The following DYNC1LI2 variants were observed in gnomAD, a reference collection of about 807,000 sequenced individuals.
DYNC1LI2 encodes cytoplasmic dynein 1 light intermediate chain 2.
A neutral mutation model predicts 57.8 loss-of-function variants in DYNC1LI2; 19 were observed. That is an observed-to-expected ratio of 0.33 (90% CI 0.23 to 0.48). The LOEUF (loss-of-function observed/expected upper bound fraction) is 0.48. DYNC1LI2 is among the 20% of genes least tolerant of loss of function. The pLI is 0.99. For synonymous variants in DYNC1LI2, 256 were observed against 233.4 expected, an observed-to-expected ratio of 1.10 and a Z score of -0.88; for missense variants, 470 against 604.2, an observed-to-expected ratio of 0.78 and a Z score of 2.33.
chr16:66,744,879 A>G lies in DYNC1LI2; in HGVS notation c.299-2211T>C, dbSNP rs182091298. Reference sequence around the variant, plus strand: ...CCGGCCAAATTTATAATGTATTTTTAGAAATTTTCAGTTATCTTTTGAGAA... The same window carrying G: ...CCGGCCAAATTTATAATGTATTTTTGGAAATTTTCAGTTATCTTTTGAGAA... On this transcript the variant is annotated intron_variant, in intron 3 of 12. Transcript: ENST00000258198. Among the ~76,000 whole-genome samples the G allele has an allele frequency of 4.0e-5, 6 of 151,788 alleles. No individual in the cohort carries two copies. The East Asian group carries it at 9.7e-4, about 25-fold the overall frequency.
intron 9 of DYNC1LI2, among the ~76,000 whole-genome samples, chr16:66,728,636 G>A (rs2017578529): frequency 6.6e-6 from 1 of 152,132 alleles, no homozygotes; most frequent in Non-Finnish European, 1.5e-5. Context: ...GTCAGCTTGG[G>A]GAAGTTACTC....
In DYNC1LI2 at chr16:66,721,199, C is replaced by T. The variant is rs1436647758; in HGVS notation, c.*2523G>A. 6.6e-6 allele frequency: 1 copy of T among 152,438 alleles called. No homozygotes were observed. The allele number at this position is 152,438 out of a possible 1,614,324, so 9.4% of individuals were successfully genotyped here. A position where few individuals can be genotyped will look rare whatever the true frequency, so the allele number is the denominator to read the frequency against. ...ATGACAATGTCTTCAGTTTAAATAC[C>T]GATTTTAAAATGCCAATCAAAAAAA... is the stretch of plus-strand genomic sequence containing the variant. On this transcript the variant is annotated 3_prime_UTR_variant, in exon 13 of 13. Coordinates refer to ENST00000258198, the MANE Select transcript of DYNC1LI2 (RefSeq NM_006141.3).
rs753488343 is a variant in DYNC1LI2 at position 66,736,143 on chromosome 16, C to T, written c.631G>A (p.Ala211Thr). ...LTSGSDEENV[A>T]LPLGDNVLTH... ...AGCACATTGTCACCCAGAGGCAGGG[C>T]AACATTTTCTTCATCGGAGCCTGAG... Residue 211 changes from alanine to threonine, a missense_variant, in exon 5 of 13, where the codon GCC (alanine) becomes ACC (threonine). Physicochemically the swap from Ala to Thr is moderately conservative, Grantham distance 58 (BLOSUM62 0). Transcript: ENST00000258198. 6.2e-7 allele frequency: 1 copy of T among 1,613,994 alleles called. No individual in the cohort carries two copies. Among genetic ancestry groups the T allele is most frequent in the African/African-American group, 1.3e-5 (1 of 74,898 alleles).
chr16:66,730,483 C>T, intron 7 of DYNC1LI2: 3 of 330,874 alleles, frequency 9.1e-6, no homozygotes, highest in Non-Finnish European at 1.7e-5. Flanking sequence ...CACAGGCTGC[C>T]CCACTCAAAA....
intron 12 of DYNC1LI2, among the ~76,000 whole-genome samples, chr16:66,724,124 C>G (rs577936924): frequency 6.6e-6 from 1 of 152,238 alleles, no homozygotes; most frequent in African/African-American, 2.4e-5. Context: ...CACCACCCAA[C>G]CCTGACCCCT....
At chr16:66,740,657 C>G (rs2017820336) in intron 4 of DYNC1LI2, among the ~76,000 whole-genome samples, 1 of 152,188 alleles carries the variant, frequency 6.6e-6, no homozygotes, top group Admixed American at 6.5e-5. Context: ...CATTTCCCAG[C>G]CTCCTTAAGA....
chr16:66,725,830 G>C lies in DYNC1LI2; in HGVS notation c.1376C>G (p.Ser459Ter), dbSNP rs2017527393. ...AGGVQSTAKK[S>*]GQKTVLSNVQ... ...AAGTCTCCAGGGCCCTTCTGTACCTGACTTCTTGGCTGTGCTCTGCACCCC... is the reference window on the plus strand; with the variant it reads ...AAGTCTCCAGGGCCCTTCTGTACCTCACTTCTTGGCTGTGCTCTGCACCCC... The change falls in exon 12 of 13, where the codon TCA becomes TGA. Residue 459 changes from serine to a stop codon, truncating the protein, a stop_gained and splice_region_variant. Transcript: ENST00000258198. LOFTEE classifies it high-confidence loss of function. 1 of 1,612,850 alleles carries C rather than the reference G, an allele frequency of 6.2e-7. No homozygotes were observed. Among genetic ancestry groups the C allele is most frequent in the Non-Finnish European group, 8.5e-7 (1 of 1,179,656 alleles).
intron 7 of DYNC1LI2, chr16:66,730,478 G>A (rs2017616244): frequency 1.2e-5 from 4 of 339,636 alleles, no homozygotes; most frequent in Non-Finnish European, 2.2e-5. Flanking sequence ...CATTCCACAG[G>A]CTGCCCCACT....
At chr16:66,733,465 G>C (rs190625235) in intron 6 of DYNC1LI2, 4 of 152,064 alleles carry the variant, frequency 2.6e-5, no homozygotes, top group Admixed American at 6.6e-5. Context: ...AACTTTGAGG[G>C]GGCCGAGGTG....
rs1195948527 is a variant in DYNC1LI2 at position 66,721,414 on chromosome 16, CTACCA to C, written c.*2303_*2307del. The C allele has an allele frequency of 6.6e-6, 1 of 152,420 alleles. No individual in the cohort carries two copies. Among genetic ancestry groups the C allele is most frequent in the Non-Finnish European group, 1.5e-5 (1 of 68,014 alleles). 9.4% of individuals were successfully genotyped at this position (152,420 alleles called of 1,614,324 possible). On this transcript the variant is annotated 3_prime_UTR_variant, in exon 13 of 13. Coordinates refer to ENST00000258198, the MANE Select transcript of DYNC1LI2 (RefSeq NM_006141.3). ...TAGTCATAAAATTGTCTTTAACAGT[CTACCA>C]TACAAGTGTACTCTGCAAATAAAAT...
chr16:66,734,603 ACACTC>A (rs970819380), intron 5 of DYNC1LI2, among the ~76,000 whole-genome samples: 17 of 152,142 alleles, frequency 1.1e-4, no homozygotes, highest in African/African-American at 4.1e-4. Flanking sequence ...ACACAGTTGT[ACACTC>A]CACTCCACAG....
rs1279747555 is a variant in DYNC1LI2, at chr16:66,727,726, G to A, written c.1223C>T (p.Pro408Leu). ...GTCCGGCTTTTTTACTGACGTGCCT[G>A]GGGAGGAGCTAGGCACACTGGCTGG... ...GGPASVPSSS[P>L]GTSVKKPDPN... The change falls in exon 11 of 13, where the codon CCA becomes CTA. Residue 408 changes from proline (P) to leucine (L), a missense_variant. Coordinates refer to ENST00000258198, the MANE Select transcript of DYNC1LI2 (RefSeq NM_006141.3). 1.2e-5 allele frequency: 20 copies of A among 1,614,116 alleles called. No homozygotes were observed. The highest frequency in any genetic ancestry group is 1.5e-5 in the Non-Finnish European group (18 of 1,179,998).
chr16:66,727,616 C>G (rs963372258), intron 11 of DYNC1LI2, 72 bp downstream of exon 11: 1 of 1,487,252 alleles, frequency 6.7e-7, no homozygotes, highest in Non-Finnish European at 9.2e-7. Flanking sequence ...GACTCAGCCA[C>G]CCAGCCCCTG....
Position 66,751,168 on chromosome 16 carries a change from G to A in DYNC1LI2, c.181+105C>T. ...AGGGCCGACGGTCCCTTTCCCGCCA[G>A]GCTGCGGGCAGGCGGCTGGAACGGG... On this transcript the variant is annotated intron_variant, in intron 2 of 12. Coordinates refer to ENST00000258198, the MANE Select transcript of DYNC1LI2 (RefSeq NM_006141.3). This position sits in a 1 kb window ranked among gnomAD's most constrained non-coding sequence, Gnocchi z 5.2. The A allele has an allele frequency of 8.3e-6, 11 of 1,325,316 alleles. No individual in the cohort carries two copies. The South Asian group carries it at 1.3e-4, about 15-fold the overall frequency. 82.1% of individuals were successfully genotyped at this position (1,325,316 alleles called of 1,614,324 possible).
intron 3 of DYNC1LI2, among the ~76,000 whole-genome samples, chr16:66,742,886 TG>T (rs2017865561): frequency 6.6e-6 from 1 of 152,204 alleles, no homozygotes; most frequent in African/African-American, 2.4e-5. Context: ...GGTCCAGGCA[TG>T]GTGGCTCACA....
chr16:66,743,955 T>A (rs1435484439), intron 3 of DYNC1LI2, among the ~76,000 whole-genome samples: 2 of 152,236 alleles, frequency 1.3e-5, no homozygotes, highest in South Asian at 2.1e-4. Flanking sequence ...TATGGCAGTA[T>A]ACATAGATAA....
rs377398071 is a variant in DYNC1LI2, at chr16:66,734,997, CAAAAAAA to C, written c.700-693_700-687del. ...GGGCAACAAGAGTGAAACTCCGTCT[CAAAAAAA>C]AAAAAAAAAAAAAAAAAAGTTTTAA... On this transcript the variant is annotated intron_variant, in intron 5 of 12. Coordinates refer to ENST00000258198, the MANE Select transcript of DYNC1LI2 (RefSeq NM_006141.3). Among the ~76,000 whole-genome samples the C allele has an allele frequency of 7.0e-4, 27 of 38,572 alleles. 1 individual carries two copies. The highest frequency in any genetic ancestry group is 1.7e-3 in the African/African-American group (15 of 8,690). 25.3% of individuals were successfully genotyped at this position (38,572 alleles called of 152,430 possible).
intron 7 of DYNC1LI2, 156 bp downstream of exon 7, chr16:66,732,183 T>C: frequency 1.0e-6 from 1 of 972,966 alleles, no homozygotes; most frequent in Non-Finnish European, 1.5e-6. Flanking sequence ...CTCAGGCAGA[T>C]GCCTCATAAT....
At chr16:66,744,707 G>A (rs1567456855) in intron 3 of DYNC1LI2, among the ~76,000 whole-genome samples, 3 of 151,966 alleles carry the variant, frequency 2.0e-5, no homozygotes, top group Non-Finnish European at 4.4e-5. Flanking sequence ...CTACAGGCAC[G>A]TGCCACTACG....
Sources: gnomAD v4.1 joint callset for allele counts (sites outside exome capture counted in the v4.1 genomes callset) on GRCh38, gnomAD v4.1.1 for gene constraint, Gnocchi (gnomAD v3.1) non-coding constraint, MANE v1.5 for transcripts, NCBI Gene and HGNC (gene_info 2026-07-23, HGNC 2026-07-21) for gene names.